The following PRKCA variants were observed in gnomAD, a reference collection of about 807,000 sequenced individuals.
PRKCA encodes protein kinase C alpha type.
Under a neutral mutation model 87.0 loss-of-function variants are expected in PRKCA, and 27 were observed. That is an observed-to-expected ratio of 0.31 (90% CI 0.23 to 0.43). PRKCA has a LOEUF of 0.43. Among genes scored for constraint, PRKCA ranks in the 20% least tolerant of loss-of-function variants. The pLI, the probability that PRKCA is intolerant of heterozygous loss-of-function variation, is 1.00. For synonymous variants in PRKCA, 329 were observed against 311.1 expected, an observed-to-expected ratio of 1.06 and a Z score of -0.61; for missense variants, 518 against 852.3, an observed-to-expected ratio of 0.61 and a Z score of 4.88.
intron 2 of PRKCA, among the ~76,000 whole-genome samples, chr17:66,360,597 G>T (rs1908335169): frequency 2.0e-5 from 3 of 152,172 alleles, no homozygotes; most frequent in Non-Finnish European, 4.4e-5. Flanking sequence ...TGGGAACAGG[G>T]ATACTAATGA....
intron 3 of PRKCA, among the ~76,000 whole-genome samples, chr17:66,623,795 G>C (rs1046943393): frequency 6.6e-6 from 1 of 152,182 alleles, no homozygotes; most frequent in Admixed American, 6.5e-5. Context: ...GGAGGAGTAG[G>C]AGGCAGGCAC....
chr17:66,681,249 CT>C (rs34640932), intron 5 of PRKCA, among the ~76,000 whole-genome samples: 8,247 of 152,220 alleles, frequency 0.054, 310 homozygotes, highest in Admixed American at 0.078. Context: ...AGGAAAGCAT[CT>C]GGACCGTTCT....
At chr17:66,683,982 C>A (rs1403184190) in intron 5 of PRKCA, among the ~76,000 whole-genome samples, 1 of 152,198 alleles carries the variant, frequency 6.6e-6, no homozygotes, top group Admixed American at 6.5e-5. Flanking sequence ...TCTTTCCTAG[C>A]TTCCCCAGCT....
At position 66,554,880 on chromosome 17, in the gene PRKCA, C is replaced by CT. The variant is rs565435672; in HGVS notation, c.288+58613dup. On this transcript the variant is annotated intron_variant, in intron 3 of 16. Transcript: ENST00000413366. Reference sequence around the variant, plus strand: ...TGTCACCTTAAGTAGATTGTAAATTCTTTTTTTTTTTTTTTTAAAGACAGG... The same window carrying CT: ...TGTCACCTTAAGTAGATTGTAAATTCTTTTTTTTTTTTTTTTTAAAGACAGG... Among the ~76,000 whole-genome samples the CT allele has an allele frequency of 4.2e-3, 584 of 138,502 alleles. 2 individuals are homozygous for CT. Among genetic ancestry groups the CT allele is most frequent in the East Asian group, 0.016 (74 of 4,730 alleles). 90.9% of individuals were successfully genotyped at this position (138,502 alleles called of 152,430 possible). A position where few individuals can be genotyped will look rare whatever the true frequency, so the allele number is the denominator to read the frequency against.
intron 2 of PRKCA, among the ~76,000 whole-genome samples, chr17:66,409,639 C>G (rs2096055000): frequency 6.6e-6 from 1 of 152,188 alleles, no homozygotes; most frequent in Admixed American, 6.5e-5. Context: ...ACATAGAAAT[C>G]AGACTCAGGG....
chr17:66,638,441 C>T (rs1181043983), intron 3 of PRKCA: 3 of 151,558 alleles, frequency 2.0e-5, no homozygotes, highest in Non-Finnish European at 1.5e-5. Context: ...CTCTGTAAAA[C>T]GAGGATAATT....
rs144429409 is a variant in PRKCA, at chr17:66,660,632, G to A, written c.529+15121G>A. ...CGGCCGGGCGCGATGGCTCACGCCT[G>A]TAATCCCAGCACTTTGGGAAGCCGA... is the stretch of plus-strand genomic sequence containing the variant. On this transcript the variant is annotated intron_variant, in intron 5 of 16. Coordinates refer to ENST00000413366, the MANE Select transcript of PRKCA (RefSeq NM_002737.3). Among the ~76,000 whole-genome samples the A allele has an allele frequency of 3.8e-3, 576 of 152,322 alleles. 30 individuals are homozygous for A. The East Asian group carries it at 0.1, about 27-fold the overall frequency.
At chr17:66,749,770 C>G (rs145614864) in intron 13 of PRKCA, among the ~76,000 whole-genome samples, 9 of 152,238 alleles carry the variant, frequency 5.9e-5, no homozygotes, top group East Asian at 1.9e-4. Flanking sequence ...AGAGATGAAG[C>G]CTTGGAGACT....
chr17:66,312,221 A>T (rs188575292), intron 2 of PRKCA, among the ~76,000 whole-genome samples: 8 of 152,292 alleles, frequency 5.3e-5, no homozygotes, highest in Admixed American at 3.9e-4. Context: ...ACCTTAGGTG[A>T]TCCTCCTGTT....
At chr17:66,376,457 A>C (rs1246685629) in intron 2 of PRKCA, among the ~76,000 whole-genome samples, 1 of 152,042 alleles carries the variant, frequency 6.6e-6, no homozygotes, top group Non-Finnish European at 1.5e-5. Flanking sequence ...AAACTACAAA[A>C]ATTATCTGGG....
At chr17:66,581,208 C>T (rs776486759) in intron 3 of PRKCA, among the ~76,000 whole-genome samples, 15 of 152,184 alleles carry the variant, frequency 9.9e-5, no homozygotes, top group Non-Finnish European at 2.1e-4. Context: ...CAAACTTTCT[C>T]AGCCAAGGGC....
At chr17:66,391,373 C>A (rs1910348706) in intron 2 of PRKCA, among the ~76,000 whole-genome samples, 1 of 152,186 alleles carries the variant, frequency 6.6e-6, no homozygotes, top group South Asian at 2.1e-4. Context: ...GATGGATGTT[C>A]CTCTCCTTCC....
At chr17:66,356,194 C>A (rs1908037227) in intron 2 of PRKCA, among the ~76,000 whole-genome samples, 1 of 152,204 alleles carries the variant, frequency 6.6e-6, no homozygotes, top group Non-Finnish European at 1.5e-5. Flanking sequence ...CCACCACGCC[C>A]ATCGGTGATT....
intron 2 of PRKCA, among the ~76,000 whole-genome samples, chr17:66,377,558 A>G: frequency 6.8e-6 from 1 of 147,484 alleles, no homozygotes; most frequent in South Asian, 2.1e-4. Flanking sequence ...TATAATGCCT[A>G]TATTACATAT....
rs1004249407 is a variant in PRKCA at position 66,803,728 on chromosome 17, A to G, written c.1855-145A>G. 2 of 1,084,288 alleles carry G rather than the reference A, an allele frequency of 1.8e-6. No homozygotes were observed. Among genetic ancestry groups the G allele is most frequent in the Non-Finnish European group, 2.6e-6 (2 of 772,914 alleles). 67.2% of individuals were successfully genotyped at this position (1,084,288 alleles called of 1,614,324 possible). On this transcript the variant is annotated intron_variant, in intron 16 of 16. Transcript: ENST00000413366. This position sits in a 1 kb window ranked among gnomAD's most constrained non-coding sequence, Gnocchi z 4.4. Reference sequence around the variant, plus strand: ...GCTGTGCCTGGCTTTTCAATCCAATAGGCCTGCAAGTCCTCCGAGATTCCT... The same window carrying G: ...GCTGTGCCTGGCTTTTCAATCCAATGGGCCTGCAAGTCCTCCGAGATTCCT...
At position 66,512,362 on chromosome 17, in the gene PRKCA, A is replaced by T. The variant is rs201772536; in HGVS notation, c.288+16079A>T. On this transcript the variant is annotated intron_variant, in intron 3 of 16. Coordinates refer to ENST00000413366, the MANE Select transcript of PRKCA (RefSeq NM_002737.3). The stretch of plus-strand genomic sequence containing the variant: ...GTGGCTGAGGCAGGAGAATTGCTTG[A>T]ACCTGGGAGGCGGATGTTGCAGTGA... Among the ~76,000 whole-genome samples, 6 of 151,950 alleles carry T rather than the reference A, an allele frequency of 3.9e-5. No individual in the cohort carries two copies. The East Asian group carries it at 1.2e-3, about 29-fold the overall frequency.
chr17:66,775,450 C>T, intron 14 of PRKCA: 1 of 985,276 alleles, frequency 1.0e-6, no homozygotes, highest in Non-Finnish European at 1.2e-6. Context: ...GGAAGTATAG[C>T]ATATCTGAGA....
intron 2 of PRKCA, among the ~76,000 whole-genome samples, chr17:66,483,047 T>C (rs996487538): frequency 6.6e-6 from 1 of 152,220 alleles, no homozygotes; most frequent in African/African-American, 2.4e-5. Context: ...CAGACACAGA[T>C]GTGCTGTCCC....
intron 14 of PRKCA, among the ~76,000 whole-genome samples, chr17:66,779,690 T>C (rs998607807): frequency 2.0e-5 from 3 of 152,168 alleles, no homozygotes; most frequent in African/African-American, 7.2e-5. Context: ...ATGTGAACCA[T>C]CACTCCTCAT....
Sources: allele counts gnomAD v4.1 joint callset (sites outside exome capture counted in the v4.1 genomes callset), GRCh38; gene constraint gnomAD v4.1.1; non-coding constraint Gnocchi (gnomAD v3.1); transcripts MANE v1.5; gene names NCBI Gene and HGNC (gene_info 2026-07-23, HGNC 2026-07-21).